PAM: variants seen among roughly 807,000 people sequenced by gnomAD.
The protein encoded by PAM is peptidylglycine alpha-amidating monooxygenase, also known as peptidyl-glycine alpha-amidating monooxygenase.
Under a neutral mutation model 122.1 loss-of-function variants are expected in PAM, and 72 were observed. The ratio of observed to expected loss-of-function variants is 0.59; its 90% CI spans 0.49 to 0.72. The LOEUF (loss-of-function observed/expected upper bound fraction) is 0.72. Ranked by LOEUF, PAM falls within the 30% of genes least tolerant of loss-of-function variation. The pLI, the probability that PAM is intolerant of heterozygous loss-of-function variation, is 0.00. For missense variants in PAM, 1,106 were observed against 1,183.7 expected (o/e 0.93, Z 0.96); for synonymous variants, 389 against 404.4 (o/e 0.96, Z 0.46).
Position 102,976,714 on chromosome 5 carries a change from A to G in PAM, c.1483+2278A>G, listed in dbSNP as rs544014080. 7.9e-5 allele frequency among the ~76,000 whole-genome samples: 12 copies of G among 152,314 alleles called. No individual in the cohort carries two copies. The South Asian group carries it at 1.9e-3, about 24-fold the overall frequency. On this transcript the variant is annotated intron_variant, in intron 15 of 25. Coordinates refer to ENST00000438793, the MANE Select transcript of PAM (RefSeq NM_001177306.2). Reference sequence around the variant, plus strand: ...TCAGGCTGGTCTGTTGCTTAATATTATAGCTCATACTTATTTCAGATATCT... The same window carrying G: ...TCAGGCTGGTCTGTTGCTTAATATTGTAGCTCATACTTATTTCAGATATCT...
rs148182169 is a variant in PAM, at chr5:102,959,880, C to G, written c.911C>G (p.Thr304Arg). The change falls in exon 13 of 26, where the codon ACG (threonine) becomes AGG (arginine). Residue 304 changes from threonine (T) to arginine (R), a missense_variant. Physicochemically the swap from Thr to Arg is moderately conservative, Grantham distance 71. This residue lies in a region of PAM where 670 missense variants were observed against 690.3 expected (regional missense o/e 0.97). Transcript: ENST00000438793. Reference sequence around the variant, plus strand: ...TATCTTTTTTTTGCCTGCAGTGGCACGTCTAGTGATGAAATGTGCAACTTA... The same window carrying G: ...TATCTTTTTTTTGCCTGCAGTGGCAGGTCTAGTGATGAAATGTGCAACTTA... ...GRTEATHIGG[T>R]SSDEMCNLYI... 6.2e-7 allele frequency: 1 copy of G among 1,607,424 alleles called. No homozygotes were observed.
chr5:102,925,454 T>G (rs1581758525), intron 6 of PAM, among the ~76,000 whole-genome samples: 1 of 152,346 alleles, frequency 6.6e-6, no homozygotes, highest in East Asian at 1.9e-4. Context: ...GCTGGCTTTC[T>G]GACTGCACCT....
At chr5:102,881,705 A>G (rs537980369) in intron 3 of PAM, among the ~76,000 whole-genome samples, 123 of 151,156 alleles carry the variant, frequency 8.1e-4, no homozygotes, top group Non-Finnish European at 1.3e-3. Context: ...TTTTTTTTCA[A>G]TAGGTTTTGG....
At chr5:102,949,510 T>A in intron 9 of PAM, 27 bp from the exon 10 acceptor site, 1 of 1,137,194 alleles carries the variant, frequency 8.8e-7, no homozygotes, top group Non-Finnish European at 1.3e-6. Context: ...GAATAGTGAC[T>A]TTTGTCTGTG....
chr5:102,940,499 C>A (rs201464031), intron 7 of PAM, among the ~76,000 whole-genome samples: 1 of 123,984 alleles, frequency 8.1e-6, no homozygotes, highest in Non-Finnish European at 1.8e-5. Flanking sequence ...ATATATATAT[C>A]AGCTATATAT....
chr5:102,901,398 G>A lies in PAM; in HGVS notation c.253G>A (p.Glu85Lys). Residue 85 changes from glutamate (E) to lysine (K), a missense_variant, in exon 4 of 26, where the codon GAG becomes AAG. Transcript: ENST00000438793. Reference protein sequence around the residue: ...FCMSMRIPVDEEAFVIDFKPR... With the variant: ...FCMSMRIPVDKEAFVIDFKPR... ...CATGTCTATGCGAATACCAGTGGATGAGGAAGCCTTCGTGAGTAAGTATTA... is the reference window on the plus strand; with the variant it reads ...CATGTCTATGCGAATACCAGTGGATAAGGAAGCCTTCGTGAGTAAGTATTA... The A allele has an allele frequency of 1.3e-6, 2 of 1,581,408 alleles. No homozygotes were observed. Among genetic ancestry groups the A allele is most frequent in the Non-Finnish European group, 1.7e-6 (2 of 1,151,666 alleles).
intron 6 of PAM, among the ~76,000 whole-genome samples, chr5:102,926,285 A>G (rs1241665488): frequency 2.0e-5 from 3 of 152,218 alleles, no homozygotes; most frequent in Admixed American, 6.5e-5. Flanking sequence ...AATAATCAAT[A>G]GAGACAGAAT....
intron 7 of PAM, among the ~76,000 whole-genome samples, chr5:102,937,742 A>G (rs2151864274): frequency 6.6e-6 from 1 of 152,284 alleles, no homozygotes; most frequent in South Asian, 2.1e-4. Flanking sequence ...CAGTGCTATT[A>G]AAAACCAAAA....
chr5:102,959,265 C>CTAT (rs1302415050), intron 12 of PAM, among the ~76,000 whole-genome samples: 1 of 152,010 alleles, frequency 6.6e-6, no homozygotes, highest in Non-Finnish European at 1.5e-5. Flanking sequence ...TTCAACCCTG[C>CTAT]TATAAAAGCC....
intron 7 of PAM, among the ~76,000 whole-genome samples, chr5:102,941,833 CAAAAAA>C (rs70990420): frequency 1.0e-4 from 6 of 58,382 alleles, no homozygotes; most frequent in South Asian, 8.2e-4. Context: ...CCAGATGGTA[CAAAAAA>C]AAAAAAAAAA....
intron 1 of PAM, among the ~76,000 whole-genome samples, chr5:102,829,109 A>G (rs1237610720): frequency 6.6e-6 from 1 of 152,122 alleles, no homozygotes; most frequent in Non-Finnish European, 1.5e-5. Flanking sequence ...GTAAATGGTC[A>G]TTAATATAAA....
chr5:102,876,822 G>A lies in PAM; in HGVS notation c.210+9429G>A, dbSNP rs76605231. On this transcript the variant is annotated intron_variant, in intron 3 of 25. Coordinates refer to ENST00000438793, the MANE Select transcript of PAM (RefSeq NM_001177306.2). ...TGGAAGGCAAAGGCTCTATTCTCAG[G>A]TATTGGCTAGAGCAAACAGTAGATT... 3.1e-3 allele frequency among the ~76,000 whole-genome samples: 471 copies of A among 152,246 alleles called. 8 individuals are homozygous for A. The highest frequency in any genetic ancestry group is 0.023 in the Admixed American group (350 of 15,300).
At chr5:102,902,838 T>C (rs1798387335) in intron 4 of PAM, among the ~76,000 whole-genome samples, 1 of 151,544 alleles carries the variant, frequency 6.6e-6, no homozygotes, top group South Asian at 2.1e-4. Flanking sequence ...ATGGTAGTCA[T>C]GTGTTACAGC....
At chr5:102,854,865 C>T (rs1389538187) in intron 1 of PAM, among the ~76,000 whole-genome samples, 2 of 152,160 alleles carry the variant, frequency 1.3e-5, no homozygotes, top group Admixed American at 6.5e-5. Context: ...TGAAGCTCTT[C>T]ATTGATAGTT....
At chr5:102,905,519 A>G (rs1799265342) in intron 4 of PAM, among the ~76,000 whole-genome samples, 1 of 151,726 alleles carries the variant, frequency 6.6e-6, no homozygotes, top group Non-Finnish European at 1.5e-5. Context: ...CCTTTCTTAA[A>G]GCACATGATC....
At chr5:102,941,190 T>A (rs1755082541) in intron 7 of PAM, among the ~76,000 whole-genome samples, 1 of 152,206 alleles carries the variant, frequency 6.6e-6, no homozygotes, top group South Asian at 2.1e-4. Flanking sequence ...AAAAGCAGGT[T>A]GGAGAGCCTG....
At chr5:102,841,445 A>ACACACACACACAC (rs1778609832) in intron 1 of PAM, among the ~76,000 whole-genome samples, 1 of 150,650 alleles carries the variant, frequency 6.6e-6, no homozygotes, top group East Asian at 1.9e-4. Flanking sequence ...ACACACACAC[A>ACACACACACACAC]AAGTAGTTAT....
chr5:102,863,912 T>G (rs1177765389), intron 1 of PAM, among the ~76,000 whole-genome samples: 1 of 151,222 alleles, frequency 6.6e-6, no homozygotes, highest in African/African-American at 2.4e-5. Context: ...ATACCAACTT[T>G]GCTTCTACCC....
intron 1 of PAM, among the ~76,000 whole-genome samples, chr5:102,826,382 C>G (rs531120596): frequency 6.6e-6 from 1 of 152,258 alleles, no homozygotes; most frequent in African/African-American, 2.4e-5. Flanking sequence ...ATCCAGGGTC[C>G]TTTCATTGTT....
Sources: gnomAD v4.1 joint callset for allele counts (sites outside exome capture counted in the v4.1 genomes callset) on GRCh38, gnomAD v4.1.1 for gene constraint, gnomAD v4.1.1 regional missense constraint, MANE v1.5 for transcripts, NCBI Gene and HGNC (gene_info 2026-07-23, HGNC 2026-07-21) for gene names.